LRBA: variants seen among roughly 807,000 people sequenced by gnomAD.
The protein encoded by LRBA is lipopolysaccharide-responsive and beige-like anchor protein.
In LRBA, 176 loss-of-function variants were observed where a neutral mutation model predicts 330.0. The observed-to-expected ratio is 0.53, with a 90% confidence interval of 0.47 to 0.60. LRBA has a LOEUF of 0.60. Ranked by LOEUF, LRBA falls within the 20% of genes least tolerant of loss-of-function variation. LRBA has a pLI of 0.00. For synonymous variants in LRBA, 1,230 were observed against 1,193.0 expected (o/e 1.03, Z -0.64); for missense variants, 3,259 against 3,444.8 (o/e 0.95, Z 1.35).
At position 150,702,056 on chromosome 4, in the gene LRBA, G is replaced by A. The variant is rs143701527; in HGVS notation, c.5755-18339C>T. Among the ~76,000 whole-genome samples, 5 of 152,248 alleles carry A rather than the reference G, an allele frequency of 3.3e-5. No homozygotes were observed. The East Asian group carries it at 9.7e-4, about 29-fold the overall frequency. On this transcript the variant is annotated intron_variant, in intron 36 of 56. Transcript: ENST00000651943. ...AAAGTTAGGAGAAAATCAAGCGGGAGAATAAAGAAGAAAAGACAAACAGGA... is the reference window on the plus strand; with the variant it reads ...AAAGTTAGGAGAAAATCAAGCGGGAAAATAAAGAAGAAAAGACAAACAGGA...
intron 28 of LRBA, among the ~76,000 whole-genome samples, chr4:150,833,576 A>C (rs1044555639): frequency 6.6e-6 from 1 of 152,182 alleles, no homozygotes; most frequent in Non-Finnish European, 1.5e-5. Flanking sequence ...TTAATTGTAC[A>C]ACAGCATTGT....
chr4:150,894,148 T>C (rs1729798897), intron 16 of LRBA, among the ~76,000 whole-genome samples: 1 of 152,142 alleles, frequency 6.6e-6, no homozygotes, highest in African/African-American at 2.4e-5. Context: ...CAGAAAAATA[T>C]ATTAGAGCTT....
intron 2 of LRBA, among the ~76,000 whole-genome samples, chr4:150,985,550 G>C (rs1194014542): frequency 6.6e-6 from 1 of 150,678 alleles, no homozygotes; most frequent in African/African-American, 2.4e-5. Flanking sequence ...CCAGGCTGGA[G>C]TGCAGTGGCA....
chr4:150,837,820 T>C (rs1380420264), intron 28 of LRBA, among the ~76,000 whole-genome samples: 2 of 152,222 alleles, frequency 1.3e-5, no homozygotes, highest in African/African-American at 4.8e-5. Flanking sequence ...ATGTGTGAAT[T>C]TGATCCTGTC....
At chr4:150,570,708 C>T (rs1464165645) in intron 40 of LRBA, among the ~76,000 whole-genome samples, 1 of 152,076 alleles carries the variant, frequency 6.6e-6, no homozygotes, top group Non-Finnish European at 1.5e-5. Flanking sequence ...ACTTTCTCAG[C>T]ACATGTGATT....
chr4:150,629,615 G>A (rs762291995), intron 37 of LRBA, among the ~76,000 whole-genome samples: 23 of 151,734 alleles, frequency 1.5e-4, no homozygotes, highest in Non-Finnish European at 3.1e-4. Context: ...CTACAGCCTG[G>A]GTGGTGACAG....
chr4:150,869,504 C>T (rs1339868304), intron 20 of LRBA, among the ~76,000 whole-genome samples: 3 of 151,998 alleles, frequency 2.0e-5, no homozygotes, highest in Non-Finnish European at 4.4e-5. Context: ...CCCTGGCCAA[C>T]ATGGCGAAAT....
chr4:150,508,090 A>AGG (rs1297154868), intron 40 of LRBA, among the ~76,000 whole-genome samples: 5 of 85,056 alleles, frequency 5.9e-5, no homozygotes, highest in Non-Finnish European at 9.0e-5. Context: ...GGGTGGGGGG[A>AGG]GGGGAGGGAT....
chr4:150,584,115 T>C (rs1268849132), intron 40 of LRBA: 1 of 1,514,534 alleles, frequency 6.6e-7, no homozygotes, highest in Non-Finnish European at 8.8e-7. Flanking sequence ...TATAGGGTGC[T>C]GGGGACTGCT....
intron 40 of LRBA, among the ~76,000 whole-genome samples, chr4:150,504,696 A>C (rs1357399668): frequency 1.3e-5 from 2 of 152,188 alleles, no homozygotes; most frequent in Non-Finnish European, 1.5e-5. Context: ...TAACGAGCAA[A>C]ATAGCCAGCT....
At chr4:150,377,140 G>GAAAAA (rs532735624) in intron 47 of LRBA, among the ~76,000 whole-genome samples, 3 of 120,812 alleles carry the variant, frequency 2.5e-5, no homozygotes. Context: ...AAAAATAATG[G>GAAAAA]AAAAAAAAAA....
At chr4:150,406,819 A>T (rs11724676) in intron 47 of LRBA, among the ~76,000 whole-genome samples, 1 of 151,950 alleles carries the variant, frequency 6.6e-6, no homozygotes, top group South Asian at 2.1e-4. Context: ...CTCACTCTGT[A>T]GCCCAGGCTG....
At chr4:150,451,215 A>G (rs901178113) in intron 44 of LRBA, among the ~76,000 whole-genome samples, 1 of 152,230 alleles carries the variant, frequency 6.6e-6, no homozygotes, top group African/African-American at 2.4e-5. Context: ...ATTTTACTTA[A>G]TTGATATTTA....
chr4:150,648,158 C>CAAAAAAAAAAAAAAAAAAAAAAAAAA lies in LRBA; in HGVS notation c.5921+35392_5921+35393insTTTTTTTTTTTTTTTTTTTTTTTTTT. The stretch of plus-strand genomic sequence containing the variant: ...TCAGAAGAGAAAGGAACACAAGTAG[C>CAAAAAAAAAAAAAAAAAAAAAAAAAA]AAAAAAAAAAAAAAAAAAACTAGAA... On this transcript the variant is annotated intron_variant, in intron 37 of 56. Transcript: ENST00000651943. 2.3e-3 allele frequency among the ~76,000 whole-genome samples: 41 copies of CAAAAAAAAAAAAAAAAAAAAAAAAAA among 18,078 alleles called. 8 individuals are homozygous for CAAAAAAAAAAAAAAAAAAAAAAAAAA. The highest frequency in any genetic ancestry group is 5.5e-3 in the Admixed American group (5 of 902). The allele number at this position is 18,078 out of a possible 152,430, so 11.9% of individuals were successfully genotyped here.
At chr4:150,843,281 A>G (rs1749373207) in intron 28 of LRBA, among the ~76,000 whole-genome samples, 1 of 152,212 alleles carries the variant, frequency 6.6e-6, no homozygotes, top group Non-Finnish European at 1.5e-5. Flanking sequence ...AAAGAGAATA[A>G]AACTATTGAA....
At chr4:150,835,326 A>T (rs181585372) in intron 28 of LRBA, among the ~76,000 whole-genome samples, 3 of 152,138 alleles carry the variant, frequency 2.0e-5, no homozygotes, top group East Asian at 3.9e-4. Context: ...AAGTAGTTTT[A>T]TCCAATTCTG....
chr4:150,578,469 G>A (rs1157865172), intron 40 of LRBA, among the ~76,000 whole-genome samples: 1 of 151,852 alleles, frequency 6.6e-6, no homozygotes, highest in African/African-American at 2.4e-5. Flanking sequence ...ACTCATAAAG[G>A]TTTCGGTGAA....
chr4:150,825,074 A>C (rs959704066), intron 30 of LRBA, among the ~76,000 whole-genome samples: 1 of 152,190 alleles, frequency 6.6e-6, no homozygotes, highest in Non-Finnish European at 1.5e-5. Context: ...AAAAAAAAAA[A>C]ATTCATAAAA....
intron 36 of LRBA, among the ~76,000 whole-genome samples, chr4:150,684,156 G>C (rs1172260947): frequency 6.6e-6 from 1 of 152,170 alleles, no homozygotes; most frequent in Admixed American, 6.6e-5. Context: ...TGGAATCCCA[G>C]AGGAAAGTTT....
Sources: gnomAD v4.1 joint callset for allele counts (sites outside exome capture counted in the v4.1 genomes callset) on GRCh38, gnomAD v4.1.1 for gene constraint, MANE v1.5 for transcripts, NCBI Gene and HGNC (gene_info 2026-07-23, HGNC 2026-07-21) for gene names.